Variants in PDGFD observed in about 807,000 individuals in gnomAD.
The protein encoded by PDGFD is platelet-derived growth factor D.
A neutral mutation model predicts 44.7 loss-of-function variants in PDGFD; 30 were observed. The ratio of observed to expected loss-of-function variants is 0.67; its 90% CI spans 0.50 to 0.91. The LOEUF (loss-of-function observed/expected upper bound fraction) is 0.91, where lower values mean the gene tolerates loss of function less well. Among genes scored for constraint, PDGFD ranks in the 40% least tolerant of loss-of-function variants. The pLI, the probability that PDGFD is intolerant of heterozygous loss-of-function variation, is 0.00. For missense variants in PDGFD, 445 were observed against 457.8 expected, an observed-to-expected ratio of 0.97 and a Z score of 0.25; for synonymous variants, 173 against 168.4, an observed-to-expected ratio of 1.03 and a Z score of -0.21.
At chr11:103,971,847 T>C (rs1175017209) in intron 3 of PDGFD, among the ~76,000 whole-genome samples, 2 of 152,196 alleles carry the variant, frequency 1.3e-5, no homozygotes, top group African/African-American at 4.8e-5. Context: ...TTGTTAATTA[T>C]ATCAATTTCA....
At chr11:103,980,638 A>C (rs763524991) in intron 3 of PDGFD, among the ~76,000 whole-genome samples, 2 of 152,050 alleles carry the variant, frequency 1.3e-5, no homozygotes, top group Non-Finnish European at 1.5e-5. Flanking sequence ...AAGGACCTTG[A>C]ATACTGTTGT....
rs531079113 is a variant in PDGFD at position 104,069,314 on chromosome 11, C to T, written c.125-69059G>A. Among the ~76,000 whole-genome samples the T allele has an allele frequency of 1.1e-4, 17 of 152,254 alleles. No individual in the cohort carries two copies. In the South Asian group the frequency reaches 3.5e-3, roughly 32 times the overall value. On this transcript the variant is annotated intron_variant, in intron 1 of 6. Coordinates refer to ENST00000393158, the MANE Select transcript of PDGFD (RefSeq NM_025208.5). ...AATACCACAGAAGTACTGTTGTGTG[C>T]TTTTTAACACATTATTTTCAGCAGT...
intron 5 of PDGFD, among the ~76,000 whole-genome samples, chr11:103,931,165 A>G (rs1401213392): frequency 1.3e-5 from 2 of 152,216 alleles, no homozygotes; most frequent in African/African-American, 4.8e-5. Flanking sequence ...AAATTTAAAA[A>G]TCTATTCCTT....
chr11:103,927,524 C>T (rs1013602235), intron 5 of PDGFD, among the ~76,000 whole-genome samples: 2 of 152,056 alleles, frequency 1.3e-5, no homozygotes, highest in Non-Finnish European at 2.9e-5. Context: ...TCTAAGCCAT[C>T]ACTTAAATAT....
intron 4 of PDGFD, among the ~76,000 whole-genome samples, chr11:103,944,141 C>T (rs564877448): frequency 2.0e-5 from 3 of 152,158 alleles, no homozygotes; most frequent in Non-Finnish European, 2.9e-5. Flanking sequence ...TACGAATCTA[C>T]TCTGGAGACA....
At chr11:104,027,916 C>T (rs976775242) in intron 1 of PDGFD, among the ~76,000 whole-genome samples, 14 of 152,052 alleles carry the variant, frequency 9.2e-5, no homozygotes, top group African/African-American at 3.1e-4. Flanking sequence ...ATAGGCCGGG[C>T]GCGGTGGCTC....
intron 5 of PDGFD, among the ~76,000 whole-genome samples, chr11:103,930,016 C>T (rs570328792): frequency 6.4e-4 from 98 of 152,276 alleles, no homozygotes; most frequent in Non-Finnish European, 1.2e-3. Flanking sequence ...AATTCAAGGG[C>T]CCGCTAATTT....
chr11:104,053,557 C>A (rs1211812099), intron 1 of PDGFD, among the ~76,000 whole-genome samples: 3 of 152,166 alleles, frequency 2.0e-5, no homozygotes, highest in African/African-American at 7.2e-5. Flanking sequence ...GCTGTAATAA[C>A]TATAAATTGC....
chr11:104,126,255 C>T (rs1462465704), intron 1 of PDGFD, among the ~76,000 whole-genome samples: 2 of 152,164 alleles, frequency 1.3e-5, no homozygotes, highest in African/African-American at 2.4e-5. Context: ...AAGCTGGAGG[C>T]ACAAACTCTC....
intron 1 of PDGFD, among the ~76,000 whole-genome samples, chr11:104,002,164 C>G (rs754130236): frequency 1.3e-5 from 2 of 152,182 alleles, no homozygotes; most frequent in Non-Finnish European, 2.9e-5. Context: ...CTTTTCCCTT[C>G]CCTTGATCTT....
At chr11:104,058,591 G>A (rs543934967) in intron 1 of PDGFD, among the ~76,000 whole-genome samples, 4 of 152,284 alleles carry the variant, frequency 2.6e-5, no homozygotes, top group Non-Finnish European at 5.9e-5. Flanking sequence ...AAATAGTTTG[G>A]AAGATCCATA....
At chr11:104,098,604 C>T (rs620426) in intron 1 of PDGFD, among the ~76,000 whole-genome samples, 32 of 151,366 alleles carry the variant, frequency 2.1e-4, no homozygotes, top group Middle Eastern at 6.8e-3. Flanking sequence ...AACCTCCCAG[C>T]CTCAAGAGAT....
intron 3 of PDGFD, among the ~76,000 whole-genome samples, chr11:103,980,155 A>C (rs958166175): frequency 2.5e-4 from 38 of 152,222 alleles, no homozygotes; most frequent in African/African-American, 8.9e-4. Context: ...TTAAAATAGT[A>C]GGGGTTTTAT....
intron 3 of PDGFD, among the ~76,000 whole-genome samples, chr11:103,976,219 G>A (rs1859182433): frequency 6.6e-6 from 1 of 150,876 alleles, no homozygotes; most frequent in Non-Finnish European, 1.5e-5. Flanking sequence ...CACATCCGTT[G>A]TAAGTTGCTA....
Position 104,114,598 on chromosome 11 carries a change from T to C in PDGFD, c.124+49206A>G, listed in dbSNP as rs527635092. Among the ~76,000 whole-genome samples, 50 of 152,132 alleles carry C rather than the reference T, an allele frequency of 3.3e-4. No homozygotes were observed. In the South Asian group the frequency reaches 0.01, roughly 32 times the overall value. On this transcript the variant is annotated intron_variant, in intron 1 of 6. Transcript: ENST00000393158. ...CTTCACGGTCATTTATCTCTCCATA[T>C]AAACTTTAGAATCAGTTTGCTGATG... is the stretch of plus-strand genomic sequence containing the variant.
At chr11:104,128,797 T>C (rs778328937) in intron 1 of PDGFD, among the ~76,000 whole-genome samples, 3 of 152,290 alleles carry the variant, frequency 2.0e-5, no homozygotes, top group East Asian at 1.9e-4. Context: ...ATAATGCACA[T>C]TGATAATGCA....
intron 1 of PDGFD, among the ~76,000 whole-genome samples, chr11:104,160,540 C>A (rs1438440572): frequency 6.6e-6 from 1 of 152,112 alleles, no homozygotes; most frequent in African/African-American, 2.4e-5. Flanking sequence ...GATGCTACTG[C>A]TAAATTAAGA....
At chr11:104,052,252 T>C (rs927735580) in intron 1 of PDGFD, among the ~76,000 whole-genome samples, 4 of 152,158 alleles carry the variant, frequency 2.6e-5, no homozygotes, top group African/African-American at 9.7e-5. Context: ...AACTTTAAAG[T>C]ATGACAAGGA....
chr11:103,974,905 T>A (rs1304285425), intron 3 of PDGFD, among the ~76,000 whole-genome samples: 8 of 152,214 alleles, frequency 5.3e-5, no homozygotes, highest in African/African-American at 4.8e-5. Flanking sequence ...TTGATGGGCA[T>A]TTGGGTTGGT....
Sources: gnomAD v4.1 joint callset for allele counts (sites outside exome capture counted in the v4.1 genomes callset) on GRCh38, gnomAD v4.1.1 for gene constraint, MANE v1.5 for transcripts, NCBI Gene and HGNC (gene_info 2026-07-23, HGNC 2026-07-21) for gene names.